Variants in CRYZL1 observed in about 807,000 individuals in gnomAD.
The protein encoded by CRYZL1 is ferry endosomal RAB5 effector complex subunit 4.
A neutral mutation model predicts 50.6 loss-of-function variants in CRYZL1; 34 were observed. The observed-to-expected ratio is 0.67, with a 90% CI of 0.51 to 0.89. CRYZL1 has a LOEUF of 0.89. Ranked by LOEUF, CRYZL1 falls within the 40% of genes least tolerant of loss-of-function variation. The pLI is 0.00. For synonymous variants in CRYZL1, 125 were observed against 134.3 expected (o/e 0.93, Z 0.48); for missense variants, 354 against 402.3 (o/e 0.88, Z 1.03).
chr21:33,616,538 C>A (rs1352581725), intron 5 of CRYZL1, 168 bp downstream of exon 5: 1 of 1,415,176 alleles, frequency 7.1e-7, no homozygotes, highest in East Asian at 2.8e-5. Context: ...GTGATTCGCC[C>A]ACCTTGGCCT....
intron 6 of CRYZL1, among the ~76,000 whole-genome samples, chr21:33,610,579 G>A (rs2086861006): frequency 6.6e-6 from 1 of 152,130 alleles, no homozygotes; most frequent in South Asian, 2.1e-4. Context: ...AAATAAGGTA[G>A]AAGAAAAAGG....
At chr21:33,604,132 C>T (rs1263209126) in intron 6 of CRYZL1, among the ~76,000 whole-genome samples, 4 of 152,024 alleles carry the variant, frequency 2.6e-5, no homozygotes, top group African/African-American at 9.7e-5. Context: ...CTTTGGGAGG[C>T]CGAGGCGGGC....
At chr21:33,622,779 A>G (rs2087017737) in intron 3 of CRYZL1, among the ~76,000 whole-genome samples, 2 of 152,162 alleles carry the variant, frequency 1.3e-5, no homozygotes, top group Non-Finnish European at 2.9e-5. Context: ...AGATACCACA[A>G]TATTTTAGGA....
At chr21:33,624,828 G>A in intron 2 of CRYZL1, 68 bp from the exon 3 acceptor site, 4 of 1,515,418 alleles carry the variant, frequency 2.6e-6, no homozygotes, top group Non-Finnish European at 3.5e-6. Context: ...TCTTTATGCT[G>A]TGAAAATTTT....
At chr21:33,633,335 T>A (rs1979926884) in intron 1 of CRYZL1, among the ~76,000 whole-genome samples, 2 of 152,238 alleles carry the variant, frequency 1.3e-5, no homozygotes, top group African/African-American at 4.8e-5. Flanking sequence ...GTGCTACTTC[T>A]TCCAAAGTCA....
chr21:33,614,134 T>G (rs1477654403), intron 5 of CRYZL1, among the ~76,000 whole-genome samples: 2 of 145,760 alleles, frequency 1.4e-5, no homozygotes, highest in South Asian at 2.1e-4. Context: ...ATTACACCAC[T>G]GCATTCCAGC....
chr21:33,597,488 CTTAT>C (rs2086707362), intron 9 of CRYZL1, 87 bp from the exon 10 acceptor site: 2 of 1,088,632 alleles, frequency 1.8e-6, no homozygotes, highest in East Asian at 5.1e-5. Context: ...CAAACAAGTT[CTTAT>C]TTATTTAGAG....
intron 6 of CRYZL1, among the ~76,000 whole-genome samples, chr21:33,610,294 G>A (rs963427616): frequency 3.9e-5 from 6 of 151,980 alleles, no homozygotes; most frequent in African/African-American, 1.5e-4. Context: ...TGAGTAGCTC[G>A]GACTACAGGC....
intron 12 of CRYZL1, 41 bp from the exon 13 acceptor site, chr21:33,589,962 G>T: frequency 8.3e-7 from 1 of 1,197,792 alleles, no homozygotes; most frequent in South Asian, 1.3e-5. Context: ...TCTAGTTAAA[G>T]ATAAGTAGAA....
chr21:33,625,948 G>A (rs774918401), intron 2 of CRYZL1, among the ~76,000 whole-genome samples: 59 of 150,654 alleles, frequency 3.9e-4, no homozygotes, highest in African/African-American at 1.4e-3. Context: ...GGTATGAGCC[G>A]CTGTGCCCAG....
intron 8 of CRYZL1, among the ~76,000 whole-genome samples, chr21:33,601,929 A>G (rs904128129): frequency 6.6e-6 from 1 of 152,014 alleles, no homozygotes; most frequent in Non-Finnish European, 1.5e-5. Flanking sequence ...AAAAAAAAAA[A>G]AAAGCAAATT....
At chr21:33,610,727 G>GTTTTTTTTTT (rs747790692) in intron 6 of CRYZL1, among the ~76,000 whole-genome samples, 3 of 101,478 alleles carry the variant, frequency 3.0e-5, no homozygotes, top group Non-Finnish European at 4.0e-5. Context: ...TTGTTTGGTT[G>GTTTTTTTTTT]TTTTTTTTTT....
intron 3 of CRYZL1, among the ~76,000 whole-genome samples, chr21:33,622,571 A>G (rs966362777): frequency 6.6e-6 from 1 of 152,198 alleles, no homozygotes; most frequent in Non-Finnish European, 1.5e-5. Context: ...ATTAACAGGT[A>G]ATCTGCCATA....
rs2087009225 is a variant in CRYZL1 at position 33,622,034 on chromosome 21, A to G, written c.179T>C (p.Phe60Ser). Reference protein sequence around the residue: ...LAEMKMKKDLFPVGREIAGIV... With the variant: ...LAEMKMKKDLSPVGREIAGIV... Reference sequence around the variant, plus strand: ...TCCAGCAATTTCTCTCCCAACAGGAAATAAATCCTTTTTCATCTTCATTTC... The same window carrying G: ...TCCAGCAATTTCTCTCCCAACAGGAGATAAATCCTTTTTCATCTTCATTTC... Residue 60 changes from phenylalanine to serine, a missense_variant, in exon 4 of 13, where the codon TTT becomes TCT. By Grantham distance (155) the Phe-to-Ser change is radical. Coordinates refer to ENST00000381554, the MANE Select transcript of CRYZL1 (RefSeq NM_145858.3). The G allele has an allele frequency of 4.3e-6, 7 of 1,613,018 alleles. No homozygotes were observed. Among genetic ancestry groups the G allele is most frequent in the Non-Finnish European group, 5.1e-6 (6 of 1,179,204 alleles).
intron 4 of CRYZL1, among the ~76,000 whole-genome samples, chr21:33,619,816 A>G (rs2086973941): frequency 6.6e-6 from 1 of 152,168 alleles, no homozygotes; most frequent in Non-Finnish European, 1.5e-5. Flanking sequence ...TCCCACTTTC[A>G]CTTGCTTGTC....
At chr21:33,623,580 C>T (rs1321979884) in intron 3 of CRYZL1, among the ~76,000 whole-genome samples, 7 of 152,180 alleles carry the variant, frequency 4.6e-5, no homozygotes, top group Non-Finnish European at 1.0e-4. Context: ...GGGGATCCCA[C>T]TAATGCATTT....
chr21:33,599,498 G>T (rs758759727), intron 8 of CRYZL1, among the ~76,000 whole-genome samples: 4 of 152,202 alleles, frequency 2.6e-5, no homozygotes, highest in Admixed American at 1.3e-4. Context: ...TGAACATTTT[G>T]TGGAGAAGGT....
intron 6 of CRYZL1, 49 bp downstream of exon 6, chr21:33,613,489 C>G (rs764993565): frequency 8.4e-7 from 1 of 1,186,204 alleles, no homozygotes; most frequent in South Asian, 1.3e-5. Context: ...AACCATATGT[C>G]AGTGAAGTAA....
chr21:33,626,962 C>T (rs1317200784), intron 2 of CRYZL1, among the ~76,000 whole-genome samples: 2 of 152,118 alleles, frequency 1.3e-5, no homozygotes, highest in Non-Finnish European at 2.9e-5. Flanking sequence ...CTGAGAACAT[C>T]TTTTTAAATC....
Sources: allele counts gnomAD v4.1 joint callset (sites outside exome capture counted in the v4.1 genomes callset), GRCh38; gene constraint gnomAD v4.1.1; transcripts MANE v1.5; gene names NCBI Gene and HGNC (gene_info 2026-07-23, HGNC 2026-07-21).